SNAPC1: variants seen among roughly 807,000 people sequenced by gnomAD.
SNAPC1 encodes small nuclear RNA activating complex polypeptide 1.
Under a neutral mutation model 50.1 loss-of-function variants are expected in SNAPC1, and 42 were observed. The ratio of observed to expected loss-of-function variants is 0.84; its 90% CI spans 0.65 to 1.08. The LOEUF (loss-of-function observed/expected upper bound fraction) is 1.08. Ranked by LOEUF, SNAPC1 falls within the 50% of genes least tolerant of loss-of-function variation. The probability of loss-of-function intolerance (pLI) is 0.00; values close to 1 mark genes in which losing one functional copy is unlikely to be tolerated. For synonymous variants in SNAPC1, 164 were observed against 144.2 expected (o/e 1.14, Z -0.98); for missense variants, 477 against 427.3 (o/e 1.12, Z -1.02).
chr14:61,785,093 T>C (rs1296945987), intron 8 of SNAPC1, among the ~76,000 whole-genome samples: 5 of 152,110 alleles, frequency 3.3e-5, no homozygotes, highest in African/African-American at 1.2e-4. Flanking sequence ...ATAAAATGAA[T>C]AAATTTATTA....
intron 4 of SNAPC1, among the ~76,000 whole-genome samples, chr14:61,775,092 T>C (rs2045024947): frequency 6.6e-6 from 1 of 152,138 alleles, no homozygotes; most frequent in Non-Finnish European, 1.5e-5. Context: ...TCTCTCTTGA[T>C]CTTAGAGCCA....
chr14:61,790,358 T>A (rs1212949936), intron 8 of SNAPC1, among the ~76,000 whole-genome samples: 1 of 152,144 alleles, frequency 6.6e-6, no homozygotes, highest in Admixed American at 6.5e-5. Flanking sequence ...TTTTTTGAGA[T>A]GGAGTGTTGC....
At chr14:61,783,306 CA>C (rs1216507387) in intron 8 of SNAPC1, among the ~76,000 whole-genome samples, 3 of 151,866 alleles carry the variant, frequency 2.0e-5, no homozygotes, top group Non-Finnish European at 4.4e-5. Context: ...GCTGAGATTA[CA>C]GGTATGAGCC....
chr14:61,769,677 G>A (rs757395919), intron 4 of SNAPC1, among the ~76,000 whole-genome samples: 81 of 152,194 alleles, frequency 5.3e-4, no homozygotes, highest in African/African-American at 7.9e-4. Context: ...GATTACAGGC[G>A]TGAGCCACTG....
At chr14:61,783,370 A>G (rs917995205) in intron 8 of SNAPC1, among the ~76,000 whole-genome samples, 2 of 151,906 alleles carry the variant, frequency 1.3e-5, no homozygotes, top group Non-Finnish European at 2.9e-5. Context: ...TGTGCGAATC[A>G]AACTTATTTG....
chr14:61,793,061 A>G (rs1594654062), intron 9 of SNAPC1, among the ~76,000 whole-genome samples, 159 bp downstream of exon 9: 1 of 152,174 alleles, frequency 6.6e-6, no homozygotes, highest in South Asian at 2.1e-4. Context: ...CATATCATTA[A>G]TGACATCTCA....
chr14:61,790,346 T>C (rs2045143185), intron 8 of SNAPC1, among the ~76,000 whole-genome samples: 3 of 152,158 alleles, frequency 2.0e-5, no homozygotes, highest in East Asian at 3.9e-4. Flanking sequence ...TTATTAACAC[T>C]TTTTTTTGAG....
At chr14:61,764,330 A>G (rs2140172953) in intron 1 of SNAPC1, among the ~76,000 whole-genome samples, 1 of 152,366 alleles carries the variant, frequency 6.6e-6, no homozygotes, top group East Asian at 1.9e-4. Context: ...AACAAAATGT[A>G]AAAACTCATT....
chr14:61,778,397 AG>A (rs1236297517), intron 6 of SNAPC1, among the ~76,000 whole-genome samples: 1 of 152,264 alleles, frequency 6.6e-6, no homozygotes, highest in Non-Finnish European at 1.5e-5. Context: ...GATCAGGATC[AG>A]GCTTTTGTAA....
Position 61,767,044 on chromosome 14 carries a change from TAGTG to T in SNAPC1, c.288+13_288+16del, listed in dbSNP as rs1277426543. 5 of 1,485,782 alleles carry T rather than the reference TAGTG, an allele frequency of 3.4e-6. No individual in the cohort carries two copies. Among genetic ancestry groups the T allele is most frequent in the Middle Eastern group, 1.8e-4 (1 of 5,650 alleles). 92.0% of individuals were successfully genotyped at this position (1,485,782 alleles called of 1,614,324 possible). ...GTCAACCAAAACAAAAGGTAATACT[TAGTG>T]AGTTATTTTTCCTTAGCAGAAATGT... On this transcript the variant is annotated intron_variant, in intron 2 of 9. Coordinates refer to ENST00000216294, the MANE Select transcript of SNAPC1 (RefSeq NM_003082.4).
intron 1 of SNAPC1, among the ~76,000 whole-genome samples, chr14:61,766,169 A>C (rs149032831): frequency 0.027 from 4,083 of 152,314 alleles, 125 homozygotes; most frequent in African/African-American, 0.065. Flanking sequence ...AGCTCCCACA[A>C]TTTAGCCTAA....
At chr14:61,785,351 A>G (rs1053908869) in intron 8 of SNAPC1, among the ~76,000 whole-genome samples, 2 of 152,162 alleles carry the variant, frequency 1.3e-5, no homozygotes, top group Admixed American at 1.3e-4. Context: ...GTGAGCCAAG[A>G]TCGCGCCAAG....
rs145378546 is a variant in SNAPC1, at chr14:61,762,981, CTTTTTTTTT to C, written c.128+412_128+420del. On this transcript the variant is annotated intron_variant, in intron 1 of 9. Coordinates refer to ENST00000216294, the MANE Select transcript of SNAPC1 (RefSeq NM_003082.4). ...TTTTTCCTCCAACAACCAAAGTTGT[CTTTTTTTTT>C]TTTTTTTTTTTTTTTTTTGAGACGG... is the stretch of plus-strand genomic sequence containing the variant. Among the ~76,000 whole-genome samples, 593 of 73,036 alleles carry C rather than the reference CTTTTTTTTT, an allele frequency of 8.1e-3. 5 individuals are homozygous for C. Among genetic ancestry groups the C allele is most frequent in the Middle Eastern group, 0.016 (1 of 64 alleles). 47.9% of individuals were successfully genotyped at this position (73,036 alleles called of 152,430 possible).
intron 5 of SNAPC1, among the ~76,000 whole-genome samples, chr14:61,777,682 C>T (rs534902570): frequency 2.4e-4 from 36 of 151,212 alleles, no homozygotes; most frequent in African/African-American, 5.1e-4. Context: ...TGGCCTCAAG[C>T]GATCCTCCCA....
rs145710112 is a variant in SNAPC1, at chr14:61,781,544, A to C, written c.826-703A>C. ...TGAAAATTCTTTGCTTAAGCAAGTA[A>C]GGGAATTCACCTACTGATGTAACAA... is the stretch of plus-strand genomic sequence containing the variant. On this transcript the variant is annotated intron_variant, in intron 7 of 9. Transcript: ENST00000216294. Among the ~76,000 whole-genome samples the C allele has an allele frequency of 8.7e-3, 1,327 of 152,252 alleles. 10 individuals carry two copies. The highest frequency in any genetic ancestry group is 0.014 in the Middle Eastern group (4 of 292).
In SNAPC1 at chr14:61,791,935, A is replaced by T. The variant is rs114143890; in HGVS notation, c.977-872A>T. On this transcript the variant is annotated intron_variant, in intron 8 of 9. Coordinates refer to ENST00000216294, the MANE Select transcript of SNAPC1 (RefSeq NM_003082.4). ...GTTCTTATGTCTTTTTAAAAAAAGA[A>T]AATAGTGTTTCTGTTACACTTATTG... 2.1e-3 allele frequency among the ~76,000 whole-genome samples: 319 copies of T among 152,204 alleles called. 1 individual carries two copies. Among genetic ancestry groups the T allele is most frequent in the African/African-American group, 7.4e-3 (307 of 41,542 alleles).
Position 61,771,739 on chromosome 14 carries a change from G to A in SNAPC1, c.534+2999G>A, listed in dbSNP as rs531111064. 9.9e-5 allele frequency among the ~76,000 whole-genome samples: 15 copies of A among 152,266 alleles called. No homozygotes were observed. In the South Asian group the frequency reaches 2.7e-3, roughly 27 times the overall value. ...CTATGGAGGAGGTGGGTGTGTCTGC[G>A]ATTGAGAGTCCATGGAGGGAGTAGC... On this transcript the variant is annotated intron_variant, in intron 4 of 9. Transcript: ENST00000216294.
intron 4 of SNAPC1, among the ~76,000 whole-genome samples, chr14:61,774,149 ATTTAAT>A (rs1282779435): frequency 5.4e-5 from 8 of 149,348 alleles, no homozygotes; most frequent in Non-Finnish European, 1.0e-4. Flanking sequence ...TTTATTTCTT[ATTTAAT>A]TTTCTTCTTC....
chr14:61,795,035 A>G lies in SNAPC1; in HGVS notation c.*52A>G, dbSNP rs781463046. Reference sequence around the variant, plus strand: ...TTTGAGTTTTCTGACAGAAGAAAAGATTGATATTTTGTGTATTGAACAGGA... The same window carrying G: ...TTTGAGTTTTCTGACAGAAGAAAAGGTTGATATTTTGTGTATTGAACAGGA... On this transcript the variant is annotated 3_prime_UTR_variant, in exon 10 of 10. Coordinates refer to ENST00000216294, the MANE Select transcript of SNAPC1 (RefSeq NM_003082.4). 5 of 1,296,214 alleles carry G rather than the reference A, an allele frequency of 3.9e-6. No homozygotes were observed. The East Asian group carries it at 1.2e-4, about 31-fold the overall frequency. The allele number at this position is 1,296,214 out of a possible 1,614,324, so 80.3% of individuals were successfully genotyped here.
Sources: gnomAD v4.1 joint callset for allele counts (sites outside exome capture counted in the v4.1 genomes callset) on GRCh38, gnomAD v4.1.1 for gene constraint, MANE v1.5 for transcripts, NCBI Gene and HGNC (gene_info 2026-07-23, HGNC 2026-07-21) for gene names.